Variants in RUFY3 observed in about 807,000 individuals in gnomAD.
RUFY3 encodes the protein RUN and FYVE domain containing 3.
A neutral mutation model predicts 84.0 loss-of-function variants in RUFY3; 34 were observed. That is an observed-to-expected ratio of 0.40 (90% CI 0.31 to 0.54). The LOEUF is 0.54. RUFY3 is among the 20% of genes least tolerant of loss of function. The pLI is 0.39. For missense variants in RUFY3, 507 were observed against 736.8 expected (o/e 0.69, Z 3.61); for synonymous variants, 242 against 252.9 (o/e 0.96, Z 0.41).
intron 1 of RUFY3, among the ~76,000 whole-genome samples, chr4:70,706,229 A>G (rs759614765): frequency 6.6e-6 from 1 of 152,140 alleles, no homozygotes; most frequent in South Asian, 2.1e-4. Context: ...ACTTTGCTGT[A>G]TGAGTTCTGG....
chr4:70,789,351 C>CT (rs1050991986), intron 11 of RUFY3, 144 bp from the exon 12 acceptor site: 60 of 831,924 alleles, frequency 7.2e-5, no homozygotes, highest in African/African-American at 2.6e-4. Context: ...AGATAAATTG[C>CT]TTTTTTTTCC....
chr4:70,804,364 C>T lies in RUFY3; in HGVS notation c.1667C>T (p.Ser556Phe). ...PMDEQDQLLLSEKPQLCQLCQ... is the reference protein window; with the variant it reads ...PMDEQDQLLLFEKPQLCQLCQ... ...GTGGTTTAGGATCAGCTGCTGCTCT[C>T]TGAAAAGCCACAGTTGTGTCAGCTA... Residue 556 changes from serine to phenylalanine, a missense_variant, in exon 17 of 18, where the codon TCT (serine) becomes TTT (phenylalanine). By Grantham distance (155) the Ser-to-Phe change is radical. Transcript: ENST00000381006. 1 of 1,614,018 alleles carries T rather than the reference C, an allele frequency of 6.2e-7. No homozygotes were observed. Among genetic ancestry groups the T allele is most frequent in the South Asian group, 1.1e-5 (1 of 91,060 alleles).
intron 12 of RUFY3, chr4:70,791,101 G>T (rs199865091): frequency 1.6e-5 from 9 of 575,948 alleles, no homozygotes; most frequent in Non-Finnish European, 2.6e-5. Flanking sequence ...AAAGCAAACA[G>T]AAAGAGAATA....
chr4:70,725,653 C>G (rs1245439820), intron 1 of RUFY3, among the ~76,000 whole-genome samples: 1 of 152,126 alleles, frequency 6.6e-6, no homozygotes, highest in African/African-American at 2.4e-5. Context: ...TTTTCAAAAG[C>G]CAACAGCAAA....
chr4:70,705,305 G>C lies in RUFY3; in HGVS notation c.358+11G>C, dbSNP rs1740154690. 2.2e-6 allele frequency: 3 copies of C among 1,387,178 alleles called. No individual in the cohort carries two copies. The South Asian group carries it at 4.9e-5, about 22-fold the overall frequency. The allele number at this position is 1,387,178 out of a possible 1,614,324, so 85.9% of individuals were successfully genotyped here. A position where few individuals can be genotyped will look rare whatever the true frequency, so the allele number is the denominator to read the frequency against. On this transcript the variant is annotated intron_variant, in intron 1 of 11. Transcript: ENST00000417478. ...GCAGCGGCAAGCACCGTGAGTGGCG[G>C]AGGGGCATGGGGACGCCCGCGGGGA...
intron 8 of RUFY3, among the ~76,000 whole-genome samples, chr4:70,781,760 G>T (rs1453890274): frequency 6.6e-6 from 1 of 152,176 alleles, no homozygotes; most frequent in Admixed American, 6.5e-5. Flanking sequence ...GTTAGGACAG[G>T]AACTGAGCAG....
At position 70,704,967 on chromosome 4, in the gene RUFY3, G is replaced by C. The variant is rs918349646; in HGVS notation, c.31G>C (p.Gly11Arg). 10 of 1,228,688 alleles carry C rather than the reference G, an allele frequency of 8.1e-6. No individual in the cohort carries two copies. In the African/African-American group the frequency reaches 1.1e-4, roughly 14 times the overall value. 76.1% of individuals were successfully genotyped at this position (1,228,688 alleles called of 1,614,324 possible). The change falls in exon 1 of 12, where the codon GGT becomes CGT. Residue 11 changes from glycine (G) to arginine (R), a missense_variant. Physicochemically the swap from Gly to Arg is moderately radical, Grantham distance 125. Coordinates refer to the RUFY3 transcript ENST00000417478. ...TGAGACCCCGCCGCCGCCCACCGCTGGTGCCGAAAGTTGCAGCGAGGAGCC... is the reference window on the plus strand; with the variant it reads ...TGAGACCCCGCCGCCGCCCACCGCTCGTGCCGAAAGTTGCAGCGAGGAGCC...
chr4:70,705,881 C>T (rs1740279661), intron 1 of RUFY3, among the ~76,000 whole-genome samples: 1 of 152,150 alleles, frequency 6.6e-6, no homozygotes, highest in African/African-American at 2.4e-5. Flanking sequence ...ACAGATCCGT[C>T]CCCCGGATTG....
intron 1 of RUFY3, among the ~76,000 whole-genome samples, chr4:70,753,090 G>C (rs572184731): frequency 6.6e-6 from 1 of 152,188 alleles, no homozygotes; most frequent in South Asian, 2.1e-4. Flanking sequence ...TTGTAGGTCT[G>C]TTCAGATTTC....
chr4:70,748,522 C>T (rs1219343123), intron 1 of RUFY3, among the ~76,000 whole-genome samples: 1 of 152,136 alleles, frequency 6.6e-6, no homozygotes, highest in Non-Finnish European at 1.5e-5. Flanking sequence ...TGGTTTTTGT[C>T]AGGTCTGAGG....
intron 12 of RUFY3, among the ~76,000 whole-genome samples, chr4:70,790,794 A>C (rs1730684676): frequency 6.6e-6 from 1 of 152,214 alleles, no homozygotes; most frequent in Non-Finnish European, 1.5e-5. Context: ...TAGATATATG[A>C]ATGAATGGAT....
chr4:70,797,166 C>T (rs185529548), intron 14 of RUFY3, among the ~76,000 whole-genome samples: 5 of 152,094 alleles, frequency 3.3e-5, no homozygotes, highest in African/African-American at 1.2e-4. Context: ...TGGTCTTCAA[C>T]TCCTGGGCTC....
chr4:70,795,039 G>A, intron 14 of RUFY3, 145 bp downstream of exon 14: 2 of 618,194 alleles, frequency 3.2e-6, no homozygotes, highest in Non-Finnish European at 5.7e-6. Context: ...TAGTAATTAT[G>A]TGAACAAATG....
intron 1 of RUFY3, among the ~76,000 whole-genome samples, chr4:70,755,260 A>G (rs1723811658): frequency 6.6e-6 from 1 of 152,250 alleles, no homozygotes; most frequent in Admixed American, 6.5e-5. Flanking sequence ...ATATAAGATA[A>G]AAGCTTTAAT....
At chr4:70,775,962 A>T (rs974186647) in intron 7 of RUFY3, among the ~76,000 whole-genome samples, 1 of 151,960 alleles carries the variant, frequency 6.6e-6, no homozygotes, top group African/African-American at 2.4e-5. Context: ...AAAAAACGAA[A>T]AAAAAGATAC....
At chr4:70,717,358 C>A (rs1226361008), upstream of RUFY3, among the ~76,000 whole-genome samples, 1 of 152,066 alleles carries the variant, frequency 6.6e-6, no homozygotes. Flanking sequence ...ATTTTATCTA[C>A]CCTTTGTGAG....
At chr4:70,713,573 GGAA>G (rs574152829) in intron 1 of RUFY3, among the ~76,000 whole-genome samples, 57 of 152,234 alleles carry the variant, frequency 3.7e-4, no homozygotes, top group African/African-American at 1.4e-3. Flanking sequence ...GGGAAAGTTT[GGAA>G]GAAAGGTGTG....
At chr4:70,738,356 C>CT (rs60916183) in intron 1 of RUFY3, among the ~76,000 whole-genome samples, 1,184 of 60,370 alleles carry the variant, frequency 0.02, 9 homozygotes, top group Non-Finnish European at 0.022. Flanking sequence ...GGTGTTTCAT[C>CT]TTTTTTTTTT....
chr4:70,737,582 C>A (rs780779325), intron 1 of RUFY3, among the ~76,000 whole-genome samples: 28 of 152,126 alleles, frequency 1.8e-4, no homozygotes, highest in Admixed American at 2.6e-4. Context: ...GCTCACCCCC[C>A]ATCAGGCTCA....
Sources: gnomAD v4.1 joint callset for allele counts (sites outside exome capture counted in the v4.1 genomes callset) on GRCh38, gnomAD v4.1.1 for gene constraint, MANE v1.5 for transcripts, NCBI Gene and HGNC (gene_info 2026-07-23, HGNC 2026-07-21) for gene names.